Variants in SLC16A10 observed in about 807,000 individuals in gnomAD.
SLC16A10 encodes the protein monocarboxylate transporter 10.
Under a neutral mutation model 40.0 loss-of-function variants are expected in SLC16A10, and 27 were observed. That is an observed-to-expected ratio of 0.67 (90% CI 0.50 to 0.93). The LOEUF is 0.93. Among genes scored for constraint, SLC16A10 ranks in the 40% least tolerant of loss-of-function variants. The pLI, the probability that SLC16A10 is intolerant of heterozygous loss-of-function variation, is 0.00. For synonymous variants in SLC16A10, 213 were observed against 249.8 expected (o/e 0.85, Z 1.39); for missense variants, 529 against 658.2 (o/e 0.80, Z 2.15).
intron 1 of SLC16A10, among the ~76,000 whole-genome samples, chr6:111,113,050 T>TATATTAAATATACTAGAATTTAAA (rs1771417534): frequency 6.6e-6 from 1 of 152,202 alleles, no homozygotes. Context: ...TCCATTACTC[T>TATATTAAATATACTAGAATTTAAA]ATATTAAATA....
intron 1 of SLC16A10, among the ~76,000 whole-genome samples, chr6:111,108,329 G>C (rs1296116566): frequency 2.0e-5 from 3 of 152,084 alleles, no homozygotes; most frequent in Non-Finnish European, 2.9e-5. Flanking sequence ...CTATCTTACA[G>C]TCTTGATTTG....
At chr6:111,175,874 A>T (rs1315221758) in intron 2 of SLC16A10, among the ~76,000 whole-genome samples, 2 of 143,236 alleles carry the variant, frequency 1.4e-5, no homozygotes, top group Non-Finnish European at 3.1e-5. Flanking sequence ...AATTTCAGCT[A>T]TTTTTTTTTT....
rs553242546 is a variant in SLC16A10 at position 111,160,019 on chromosome 6, A to G, written c.344-12676A>G. Among the ~76,000 whole-genome samples the G allele has an allele frequency of 5.9e-5, 9 of 152,266 alleles. No individual in the cohort carries two copies. The Middle Eastern group carries it at 0.01, about 173-fold the overall frequency. ...TGAGAATTTTGTATGTAATTTATAT[A>G]CAAGTTCTTACTAGATATGTAATTT... is the stretch of plus-strand genomic sequence containing the variant. On this transcript the variant is annotated intron_variant, in intron 1 of 5. Transcript: ENST00000368851.
chr6:111,111,186 A>T (rs1044230805), intron 1 of SLC16A10, among the ~76,000 whole-genome samples: 4 of 152,050 alleles, frequency 2.6e-5, no homozygotes, highest in African/African-American at 7.2e-5. Context: ...TATGCTATAA[A>T]TTTTTTTTGT....
chr6:111,171,477 C>A (rs1045719008), intron 1 of SLC16A10, among the ~76,000 whole-genome samples: 1 of 152,144 alleles, frequency 6.6e-6, no homozygotes, highest in Admixed American at 6.5e-5. Context: ...CAAAGTGAGA[C>A]CCTGTCTGTA....
At chr6:111,141,808 T>C (rs1328597603) in intron 1 of SLC16A10, among the ~76,000 whole-genome samples, 2 of 152,118 alleles carry the variant, frequency 1.3e-5, no homozygotes, top group Non-Finnish European at 2.9e-5. Context: ...AAGAACCAAA[T>C]AAATGGACAG....
At chr6:111,119,154 A>G (rs1395552329) in intron 1 of SLC16A10, among the ~76,000 whole-genome samples, 2 of 152,240 alleles carry the variant, frequency 1.3e-5, no homozygotes, top group African/African-American at 4.8e-5. Flanking sequence ...CTCAGATCCT[A>G]TTTGGAGGTA....
Position 111,206,685 on chromosome 6 carries a change from T to C in SLC16A10, c.1036T>C (p.Phe346Leu). Residue 346 changes from phenylalanine to leucine, a missense_variant, in exon 4 of 6, where the codon TTT becomes CTT. Physicochemically the swap from Phe to Leu is conservative, Grantham distance 22. Transcript: ENST00000368851. ...GVTSGVGRLLFGRIADYVPGV... is the reference protein window; with the variant it reads ...GVTSGVGRLLLGRIADYVPGV... ...CACTTCAGGAGTTGGACGACTGCTC[T>C]TTGGCCGGATTGCAGATTATGTGCC... 1 of 1,614,236 alleles carries C rather than the reference T, an allele frequency of 6.2e-7. No individual in the cohort carries two copies. The highest frequency in any genetic ancestry group is 8.5e-7 in the Non-Finnish European group (1 of 1,180,044).
intron 1 of SLC16A10, among the ~76,000 whole-genome samples, chr6:111,157,759 CATA>C (rs1772297226): frequency 1.3e-5 from 2 of 151,640 alleles, no homozygotes; most frequent in African/African-American, 4.8e-5. Flanking sequence ...TCTATGAGTC[CATA>C]ATGATATAAA....
At chr6:111,132,445 T>C (rs1209989192) in intron 1 of SLC16A10, among the ~76,000 whole-genome samples, 2 of 152,154 alleles carry the variant, frequency 1.3e-5, no homozygotes, top group Non-Finnish European at 2.9e-5. Context: ...TGACAACCTA[T>C]CAAAATCCTA....
chr6:111,189,080 A>C (rs1314689935), intron 3 of SLC16A10, among the ~76,000 whole-genome samples: 1 of 152,216 alleles, frequency 6.6e-6, no homozygotes, highest in Non-Finnish European at 1.5e-5. Context: ...TGCCATAGAC[A>C]TTCTAGATGT....
intron 1 of SLC16A10, among the ~76,000 whole-genome samples, chr6:111,167,268 G>C (rs1317811492): frequency 6.6e-6 from 1 of 152,150 alleles, no homozygotes; most frequent in Non-Finnish European, 1.5e-5. Context: ...GAGGCACAAA[G>C]CATCCTGCCT....
chr6:111,124,287 T>A (rs981133889), intron 1 of SLC16A10, among the ~76,000 whole-genome samples: 1 of 151,448 alleles, frequency 6.6e-6, no homozygotes, highest in Non-Finnish European at 1.5e-5. Flanking sequence ...GCTAAGAAAT[T>A]AACTTTTATA....
rs73765927 is a variant in SLC16A10, at chr6:111,165,549, C to T, written c.344-7146C>T. On this transcript the variant is annotated intron_variant, in intron 1 of 5. Coordinates refer to ENST00000368851, the MANE Select transcript of SLC16A10 (RefSeq NM_018593.5). Reference sequence around the variant, plus strand: ...TATTTTAAAAAATCCTTTTAAATCCCTTGTTACCCAACTTTAGCCTCACCA... The same window carrying T: ...TATTTTAAAAAATCCTTTTAAATCCTTTGTTACCCAACTTTAGCCTCACCA... Among the ~76,000 whole-genome samples, 594 of 152,216 alleles carry T rather than the reference C, an allele frequency of 3.9e-3. 6 individuals are homozygous for T. Among genetic ancestry groups the T allele is most frequent in the African/African-American group, 0.013 (556 of 41,532 alleles).
At chr6:111,141,401 G>A (rs374752224) in intron 1 of SLC16A10, among the ~76,000 whole-genome samples, 2 of 152,126 alleles carry the variant, frequency 1.3e-5, no homozygotes, top group African/African-American at 2.4e-5. Flanking sequence ...GATGCCTCAC[G>A]CCTGTAATCC....
At chr6:111,112,491 T>C (rs1771408099) in intron 1 of SLC16A10, among the ~76,000 whole-genome samples, 1 of 152,240 alleles carries the variant, frequency 6.6e-6, no homozygotes, top group Non-Finnish European at 1.5e-5. Context: ...GTGTCTGTCT[T>C]GTTTACAACT....
chr6:111,197,614 T>C (rs932001969), intron 3 of SLC16A10, among the ~76,000 whole-genome samples: 1 of 152,308 alleles, frequency 6.6e-6, no homozygotes, highest in South Asian at 2.1e-4. Context: ...AAGAAATACC[T>C]GAGGCCGGAT....
chr6:111,092,315 G>GTTTTTTTTTTTTTTTT (rs1173275647), intron 1 of SLC16A10, among the ~76,000 whole-genome samples: 3 of 98,592 alleles, frequency 3.0e-5, no homozygotes, highest in Admixed American at 1.2e-4. Context: ...TTTTTTTGTT[G>GTTTTTTTTTTTTTTTT]TTTTTTTTTT....
chr6:111,162,697 A>C (rs755426561), intron 1 of SLC16A10, among the ~76,000 whole-genome samples: 1 of 152,218 alleles, frequency 6.6e-6, no homozygotes, highest in Non-Finnish European at 1.5e-5. Flanking sequence ...CCAGGCAAAA[A>C]GAAATAAATG....
Sources: gnomAD v4.1 joint callset for allele counts (sites outside exome capture counted in the v4.1 genomes callset) on GRCh38, gnomAD v4.1.1 for gene constraint, MANE v1.5 for transcripts, NCBI Gene and HGNC (gene_info 2026-07-23, HGNC 2026-07-21) for gene names.